The following MILR1 variants were observed in gnomAD, a reference collection of about 807,000 sequenced individuals.
MILR1 encodes the protein mast cell immunoglobulin like receptor 1.
In MILR1, 31 loss-of-function variants were observed where a neutral mutation model predicts 18.5. That is an observed-to-expected ratio of 1.68 (90% CI 1.26 to 2.26). The LOEUF (loss-of-function observed/expected upper bound fraction) is 2.26. Ranked by LOEUF, MILR1 falls within the 30% of genes most tolerant of loss-of-function variation. The pLI, the probability that MILR1 is intolerant of heterozygous loss-of-function variation, is 0.00. For synonymous variants in MILR1, 85 were observed against 56.2 expected, an observed-to-expected ratio of 1.51 and a Z score of -2.30; for missense variants, 257 against 157.4, an observed-to-expected ratio of 1.63 and a Z score of -3.38.
At chr17:64,472,125 T>A (rs1179868636), downstream of MILR1, among the ~76,000 whole-genome samples, 1 of 152,080 alleles carries the variant, frequency 6.6e-6, no homozygotes, top group Non-Finnish European at 1.5e-5. Context: ...TTTAATTAGA[T>A]AAATCATTTA....
intron 4 of MILR1, among the ~76,000 whole-genome samples, chr17:64,459,975 ATTT>A (rs58757286): frequency 0.32 from 42,989 of 132,774 alleles, 8,400 homozygotes; most frequent in Middle Eastern, 0.47. Flanking sequence ...AAACTTTATT[ATTT>A]TTATTTTATT....
At chr17:64,475,808 C>CTTT in the MILR1 span, among the ~76,000 whole-genome samples, 24 of 102,526 alleles carry the variant, frequency 2.3e-4, no homozygotes, top group Non-Finnish European at 3.7e-4. Context: ...CTACCACTTC[C>CTTT]TTTTTTTTTT....
chr17:64,492,443 A>G, the MILR1 span, among the ~76,000 whole-genome samples: 1 of 152,262 alleles, frequency 6.6e-6, no homozygotes, highest in Non-Finnish European at 1.5e-5. Context: ...TACCTTACAC[A>G]GAAAGGCTAA....
chr17:64,475,874 C>T, the MILR1 span, among the ~76,000 whole-genome samples: 3 of 141,320 alleles, frequency 2.1e-5, no homozygotes, highest in South Asian at 2.3e-4. Context: ...AGTACAATGG[C>T]GCGATCTTGG....
chr17:64,451,787 G>C (rs118201863), intron 2 of MILR1, among the ~76,000 whole-genome samples: 36,751 of 151,638 alleles, frequency 0.24, 4,625 homozygotes, highest in South Asian at 0.38. Context: ...ACAAAAATTA[G>C]CTGGGCATGG....
At chr17:64,467,516 C>T in intron 8 of MILR1, 49 bp from the exon 9 acceptor site, 1 of 1,187,006 alleles carries the variant, frequency 8.4e-7, no homozygotes, top group East Asian at 2.5e-5. Context: ...TAAAAACAGC[C>T]TTGCTGGTCA....
chr17:64,474,117 C>T, the MILR1 span, among the ~76,000 whole-genome samples: 1 of 152,124 alleles, frequency 6.6e-6, no homozygotes, highest in Non-Finnish European at 1.5e-5. Context: ...CCCTGTTGCC[C>T]AGGCTGGAGT....
At chr17:64,468,066 T>C in intron 9 of MILR1, 1 of 356,088 alleles carries the variant, frequency 2.8e-6, no homozygotes, top group Non-Finnish European at 5.5e-6. Context: ...CAGAGTTGAG[T>C]TGTGGGGGAG....
At chr17:64,490,963 T>C in the MILR1 span, 2 of 1,612,908 alleles carry the variant, frequency 1.2e-6, no homozygotes, top group Non-Finnish European at 1.7e-6. Context: ...GATGGACTCA[T>C]GGCAAACTGG....
At chr17:64,496,619 G>A in the MILR1 span, 1 of 1,613,904 alleles carries the variant, frequency 6.2e-7, no homozygotes. Flanking sequence ...CACCACCACC[G>A]AGGTCCACCA....
chr17:64,467,729 T>C (rs1598106904), intron 9 of MILR1, 84 bp downstream of exon 9: 1 of 772,094 alleles, frequency 1.3e-6, no homozygotes, highest in Admixed American at 2.5e-5. Flanking sequence ...AGGTCAGGAG[T>C]TCGAGACCAG....
downstream of MILR1, among the ~76,000 whole-genome samples, chr17:64,468,942 C>G (rs1392822072): frequency 6.6e-6 from 1 of 151,928 alleles, no homozygotes; most frequent in African/African-American, 2.4e-5. Context: ...AAAAAATTAG[C>G]TGGGCACAGT....
the MILR1 span, chr17:64,477,906 C>T: frequency 1.2e-6 from 2 of 1,613,872 alleles, no homozygotes; most frequent in South Asian, 2.2e-5. Flanking sequence ...ATTGTGGTGT[C>T]TCTGCTTCTC....
the MILR1 span, chr17:64,477,856 C>T: frequency 3.1e-6 from 5 of 1,608,296 alleles, no homozygotes; most frequent in Non-Finnish European, 4.2e-6. Context: ...TATACTTAAT[C>T]AAAAAGTCTT....
the MILR1 span, among the ~76,000 whole-genome samples, chr17:64,476,186 A>G: frequency 1.3e-5 from 2 of 152,208 alleles, no homozygotes; most frequent in Non-Finnish European, 2.9e-5. Context: ...CTCAATTACC[A>G]TAAATGTATG....
the MILR1 span, chr17:64,497,115 G>A: frequency 3.7e-6 from 3 of 802,544 alleles, no homozygotes; most frequent in South Asian, 1.4e-5. Flanking sequence ...CCCCGGAAGC[G>A]CATGTCTGCG....
the MILR1 span, chr17:64,490,689 A>G: frequency 2.4e-6 from 2 of 823,144 alleles, no homozygotes; most frequent in Non-Finnish European, 4.2e-6. Context: ...TGAAAAATAC[A>G]CAATGAAGTG....
intron 3 of MILR1, 127 bp downstream of exon 3, chr17:64,452,993 CTTTT>C (rs1158127114): frequency 4.9e-6 from 2 of 408,968 alleles, no homozygotes; most frequent in East Asian, 3.6e-5. Context: ...GAGCTTTATT[CTTTT>C]TTTATTTTTT....
chr17:64,466,442 A>G lies in MILR1; in HGVS notation c.854A>G (p.Lys285Arg). Residue 285 changes from lysine to arginine, a missense_variant and splice_region_variant, in exon 7 of 10, where the codon AAG becomes AGG. By Grantham distance (26) the Lys-to-Arg change is conservative. Transcript: ENST00000619286. The stretch of plus-strand genomic sequence containing the variant: ...AATTTATGTCATTCTCATTTTACAG[A>G]GGAGGAATCTGTGCCAGAAGTGGGA... ...IYANILEKQA[K>R]EESVPEVGSR... The G allele has an allele frequency of 6.2e-7, 1 of 1,613,404 alleles. No homozygotes were observed. Among genetic ancestry groups the G allele is most frequent in the Non-Finnish European group, 8.5e-7 (1 of 1,179,632 alleles).
Sources: allele counts gnomAD v4.1 joint callset (sites outside exome capture counted in the v4.1 genomes callset), GRCh38; gene constraint gnomAD v4.1.1; transcripts MANE v1.5; gene names NCBI Gene and HGNC (gene_info 2026-07-23, HGNC 2026-07-21).